Variants in RORA observed in about 807,000 individuals in gnomAD.
RORA encodes nuclear receptor ROR-alpha.
Under a neutral mutation model 69.5 loss-of-function variants are expected in RORA, and 7 were observed. The ratio of observed to expected loss-of-function variants is 0.10; its 90% CI spans 0.06 to 0.19. The LOEUF is 0.19. Ranked by LOEUF, RORA falls within the 10% of genes least tolerant of loss-of-function variation. The probability of loss-of-function intolerance (pLI) is 1.00; values close to 1 mark genes in which losing one functional copy is unlikely to be tolerated. For missense variants in RORA, 457 were observed against 663.0 expected (o/e 0.69, Z 3.41); for synonymous variants, 261 against 240.8 (o/e 1.08, Z -0.78).
chr15:61,022,447 A>G (rs1369258621), intron 1 of RORA, among the ~76,000 whole-genome samples: 2 of 152,144 alleles, frequency 1.3e-5, no homozygotes, highest in African/African-American at 4.8e-5. Context: ...TTGACCTTAT[A>G]GGCACCATCT....
At chr15:61,038,510 G>A (rs144049748) in intron 1 of RORA, among the ~76,000 whole-genome samples, 7 of 152,264 alleles carry the variant, frequency 4.6e-5, no homozygotes, top group South Asian at 2.1e-4. Context: ...GTCAGCTGCC[G>A]TTATCAGCCA....
intron 2 of RORA, among the ~76,000 whole-genome samples, chr15:60,549,076 A>G (rs2028122): frequency 0.52 from 79,594 of 152,098 alleles, 23,910 homozygotes; most frequent in East Asian, 0.88. Context: ...TATGATATGT[A>G]GCAGCTCTTA....
intron 1 of RORA, among the ~76,000 whole-genome samples, chr15:60,921,338 C>T (rs1044307525): frequency 1.3e-5 from 2 of 152,170 alleles, no homozygotes; most frequent in Non-Finnish European, 1.5e-5. Context: ...TGGAACACTA[C>T]ATAGCAATGA....
chr15:61,228,328 G>A (rs1395146963), intron 1 of RORA, among the ~76,000 whole-genome samples: 1 of 151,198 alleles, frequency 6.6e-6, no homozygotes, highest in African/African-American at 2.4e-5. Flanking sequence ...CCGAACCCCC[G>A]GTCTGCAAAC....
chr15:61,052,914 T>C (rs562630287), intron 1 of RORA, among the ~76,000 whole-genome samples: 90 of 152,314 alleles, frequency 5.9e-4, no homozygotes, highest in African/African-American at 1.8e-3. Context: ...CGGTACAAGA[T>C]TAAGGAAGTG....
intron 1 of RORA, among the ~76,000 whole-genome samples, chr15:61,201,470 G>A (rs985588220): frequency 6.6e-6 from 1 of 152,170 alleles, no homozygotes; most frequent in Non-Finnish European, 1.5e-5. Context: ...GAGTCTGAAG[G>A]TTTCTCTGTA....
At chr15:60,770,213 T>C (rs940536686) in intron 1 of RORA, among the ~76,000 whole-genome samples, 1 of 151,786 alleles carries the variant, frequency 6.6e-6, no homozygotes, top group Non-Finnish European at 1.5e-5. Flanking sequence ...AAAAAGATAT[T>C]CCTTTTTTTT....
chr15:61,010,483 A>G (rs902546325), intron 1 of RORA, among the ~76,000 whole-genome samples: 1 of 152,206 alleles, frequency 6.6e-6, no homozygotes, highest in Non-Finnish European at 1.5e-5. Context: ...TCTCTATCGA[A>G]GAAACAAAAG....
chr15:60,862,322 T>G (rs1249197392), intron 1 of RORA, among the ~76,000 whole-genome samples: 2 of 152,176 alleles, frequency 1.3e-5, no homozygotes, highest in African/African-American at 4.8e-5. Context: ...TCAGAACCGT[T>G]TATGTGCTAA....
intron 1 of RORA, among the ~76,000 whole-genome samples, chr15:61,106,695 A>ATG (rs2078952258): frequency 6.6e-6 from 1 of 152,200 alleles, no homozygotes. Flanking sequence ...GCTGTCAAAT[A>ATG]CAGTCATCTC....
At position 60,488,725 on chromosome 15, in the gene RORA, AACAG is replaced by A. The variant is rs1254177087; in HGVS notation, c.*8726_*8729del. The A allele has an allele frequency of 2.6e-5, 4 of 152,222 alleles. No homozygotes were observed. The highest frequency in any genetic ancestry group is 4.4e-5 in the Non-Finnish European group (3 of 68,036). 9.4% of individuals were successfully genotyped at this position (152,222 alleles called of 1,614,324 possible). On this transcript the variant is annotated 3_prime_UTR_variant, in exon 11 of 11. Coordinates refer to ENST00000335670, the MANE Select transcript of RORA (RefSeq NM_134261.3). ...AGGAGTTTTTACATACTGTACACAA[AACAG>A]ACAGCATATATTTATAGGTACAGTA... is the stretch of plus-strand genomic sequence containing the variant.
At chr15:60,512,306 CAG>C (rs1288819805) in intron 4 of RORA, among the ~76,000 whole-genome samples, 4 of 152,122 alleles carry the variant, frequency 2.6e-5, no homozygotes, top group African/African-American at 9.7e-5. Context: ...TATTTTGAGA[CAG>C]AGTCTTGCTC....
At chr15:60,877,618 G>A (rs1339390874) in intron 1 of RORA, among the ~76,000 whole-genome samples, 3 of 152,162 alleles carry the variant, frequency 2.0e-5, no homozygotes, top group Non-Finnish European at 4.4e-5. Flanking sequence ...TCATATCCAA[G>A]CATTTTTAAT....
In RORA at chr15:61,115,505, C is replaced by T. The variant is rs548776555; in HGVS notation, c.166+113548G>A. ...ACTCCCTCAAGGAAAGCCAAGAGCA[C>T]ATTTTTGTGGCATTAGAGTGAAGTG... On this transcript the variant is annotated intron_variant, in intron 1 of 10. Coordinates refer to ENST00000335670, the MANE Select transcript of RORA (RefSeq NM_134261.3). 7.9e-5 allele frequency among the ~76,000 whole-genome samples: 12 copies of T among 152,296 alleles called. No homozygotes were observed. The South Asian group carries it at 1.7e-3, about 21-fold the overall frequency.
intron 1 of RORA, among the ~76,000 whole-genome samples, chr15:60,942,263 G>C (rs545157233): frequency 6.6e-6 from 1 of 152,292 alleles, no homozygotes; most frequent in South Asian, 2.1e-4. Flanking sequence ...GTCTTAGTGA[G>C]TTTATGTCTC....
At chr15:60,872,830 C>A (rs981529604) in intron 1 of RORA, among the ~76,000 whole-genome samples, 26 of 152,238 alleles carry the variant, frequency 1.7e-4, no homozygotes, top group African/African-American at 5.1e-4. Context: ...GCCCTCTCCT[C>A]CTTACCTCCA....
At chr15:61,190,735 A>G (rs1022620493) in intron 1 of RORA, among the ~76,000 whole-genome samples, 1 of 152,108 alleles carries the variant, frequency 6.6e-6, no homozygotes, top group Non-Finnish European at 1.5e-5. Context: ...GTAACAGAGT[A>G]AGACTCTGTC....
intron 1 of RORA, among the ~76,000 whole-genome samples, chr15:61,007,785 T>C (rs1054178826): frequency 2.7e-5 from 4 of 147,836 alleles, no homozygotes; most frequent in Non-Finnish European, 6.0e-5. Flanking sequence ...GGCTGTTATA[T>C]ATTTAACATT....
intron 1 of RORA, among the ~76,000 whole-genome samples, chr15:60,978,620 C>G (rs1006438144): frequency 2.6e-5 from 4 of 152,052 alleles, no homozygotes; most frequent in African/African-American, 9.7e-5. Context: ...CAGATTTATA[C>G]CTATGTTTCT....
Sources: gnomAD v4.1 joint callset for allele counts (sites outside exome capture counted in the v4.1 genomes callset) on GRCh38, gnomAD v4.1.1 for gene constraint, MANE v1.5 for transcripts, NCBI Gene and HGNC (gene_info 2026-07-23, HGNC 2026-07-21) for gene names.